Variants in LGR4 observed in about 807,000 individuals in gnomAD.
LGR4 encodes the protein leucine rich repeat containing G protein-coupled receptor 4.
Under a neutral mutation model 84.8 loss-of-function variants are expected in LGR4, and 44 were observed. The observed-to-expected ratio is 0.52, with a 90% CI of 0.41 to 0.67. The LOEUF is 0.67. Among genes scored for constraint, LGR4 ranks in the 30% least tolerant of loss-of-function variants. LGR4 has a pLI of 0.00. For synonymous variants in LGR4, 429 were observed against 434.3 expected (o/e 0.99, Z 0.15); for missense variants, 1,032 against 1,131.4 (o/e 0.91, Z 1.26).
rs1049201807 is a variant in LGR4 at position 27,376,734 on chromosome 11, AC to A, written c.1110-365del. On this transcript the variant is annotated intron_variant, in intron 12 of 17. Transcript: ENST00000379214. ...AAGGAACCAAGACAACACAACTATGACAAATACCGTAGGAATAAAGTTACAG... is the reference window on the plus strand; with the variant it reads ...AAGGAACCAAGACAACACAACTATGAAAATACCGTAGGAATAAAGTTACAG... Among the ~76,000 whole-genome samples the A allele has an allele frequency of 1.3e-5, 2 of 152,194 alleles. 1 individual carries two copies. The highest frequency in any genetic ancestry group is 2.9e-5 in the Non-Finnish European group (2 of 68,042).
intron 1 of LGR4, among the ~76,000 whole-genome samples, chr11:27,470,466 T>C (rs1864850914): frequency 6.6e-6 from 1 of 152,312 alleles, no homozygotes; most frequent in South Asian, 2.1e-4. Context: ...TTCTATTCTA[T>C]GCAGAGCCTT....
intron 8 of LGR4, 26 bp downstream of exon 8, chr11:27,380,869 T>G (rs747746894): frequency 7.8e-6 from 11 of 1,406,436 alleles, no homozygotes; most frequent in Non-Finnish European, 1.0e-5. Context: ...AATTATACAT[T>G]AAAAGAAACT....
intron 13 of LGR4, among the ~76,000 whole-genome samples, chr11:27,375,136 G>GA (rs1862951102): frequency 6.9e-6 from 1 of 145,302 alleles, no homozygotes; most frequent in African/African-American, 2.5e-5. Flanking sequence ...AAAAAAAAAA[G>GA]AAAAAAATTA....
intron 2 of LGR4, 115 bp from the exon 3 acceptor site, chr11:27,392,633 C>G (rs951014116): frequency 2.4e-6 from 2 of 828,068 alleles, no homozygotes; most frequent in Non-Finnish European, 3.7e-6. Flanking sequence ...TTTCTCAAGT[C>G]TATCTGACAT....
chr11:27,415,776 C>A (rs1487480393), intron 1 of LGR4, among the ~76,000 whole-genome samples: 1 of 152,002 alleles, frequency 6.6e-6, no homozygotes, highest in Non-Finnish European at 1.5e-5. Flanking sequence ...TCCGGAGAAG[C>A]TCTGGAAACC....
At chr11:27,410,539 T>C (rs1863689872) in intron 2 of LGR4, among the ~76,000 whole-genome samples, 1 of 152,120 alleles carries the variant, frequency 6.6e-6, no homozygotes, top group Non-Finnish European at 1.5e-5. Flanking sequence ...GTTTATGAAA[T>C]ATTACAATAG....
chr11:27,424,809 C>T (rs531748901), intron 1 of LGR4, among the ~76,000 whole-genome samples: 8 of 152,248 alleles, frequency 5.3e-5, no homozygotes, highest in Admixed American at 1.3e-4. Flanking sequence ...AGTGCAATGG[C>T]GCGATCTCAG....
intron 1 of LGR4, among the ~76,000 whole-genome samples, chr11:27,447,796 T>C (rs1320882594): frequency 6.6e-6 from 1 of 152,242 alleles, no homozygotes. Context: ...TGGCTGACAC[T>C]ATGCTTTCAC....
chr11:27,459,082 A>G (rs1408027535), intron 1 of LGR4, among the ~76,000 whole-genome samples: 1 of 152,216 alleles, frequency 6.6e-6, no homozygotes, highest in Non-Finnish European at 1.5e-5. Context: ...TTTATGAGAA[A>G]ATGTGAAAGG....
At chr11:27,460,551 T>TGATTTATC (rs1211390297) in intron 1 of LGR4, among the ~76,000 whole-genome samples, 1 of 152,216 alleles carries the variant, frequency 6.6e-6, no homozygotes, top group African/African-American at 2.4e-5. Flanking sequence ...CTAAGTTAAT[T>TGATTTATC]CAAACTGATA....
At position 27,372,150 on chromosome 11, in the gene LGR4, CCA is replaced by C. The variant is rs1862896501; in HGVS notation, c.1495+131_1495+132del. The stretch of plus-strand genomic sequence containing the variant: ...TAAGTGCTGAGATTACAGGCATGAG[CCA>C]TCACACCTGGCCAGACAATGCCATT... On this transcript the variant is annotated intron_variant, in intron 16 of 17. Transcript: ENST00000379214. 6.0e-6 allele frequency: 4 copies of C among 667,182 alleles called. No individual in the cohort carries two copies. The South Asian group carries it at 7.1e-5, about 12-fold the overall frequency. 41.3% of individuals were successfully genotyped at this position (667,182 alleles called of 1,614,324 possible). A position where few individuals can be genotyped will look rare whatever the true frequency, so the allele number is the denominator to read the frequency against.
chr11:27,472,279 G>C lies in LGR4; in HGVS notation c.24C>G (p.Leu8=). 1 of 1,240,918 alleles carries C rather than the reference G, an allele frequency of 8.1e-7. No individual in the cohort carries two copies. The highest frequency in any genetic ancestry group is 1.0e-6 in the Non-Finnish European group (1 of 996,208). The allele number at this position is 1,240,918 out of a possible 1,614,324, so 76.9% of individuals were successfully genotyped here. ...CGAGCAGCCCCAGGGCGAGGAAGCA[G>C]AGCAGCCCTAGCGGGCCCGGCATTG... MPGPLGL[L]CFLALGLLGS... The change falls in exon 1 of 18, where the codon CTC becomes CTG. Residue 8 remains leucine (L), a synonymous_variant. Coordinates refer to ENST00000379214, the MANE Select transcript of LGR4 (RefSeq NM_018490.5).
chr11:27,387,484 G>A (rs1290636658), intron 4 of LGR4, among the ~76,000 whole-genome samples: 2 of 152,172 alleles, frequency 1.3e-5, no homozygotes, highest in East Asian at 3.9e-4. Flanking sequence ...ATGCAAGAAT[G>A]AGTCAAAGTA....
chr11:27,425,498 T>A lies in LGR4; in HGVS notation c.186-12638A>T, dbSNP rs984818143. Among the ~76,000 whole-genome samples, 10 of 151,898 alleles carry A rather than the reference T, an allele frequency of 6.6e-5. No homozygotes were observed. In the South Asian group the frequency reaches 8.3e-4, roughly 13 times the overall value. On this transcript the variant is annotated intron_variant, in intron 1 of 17. Coordinates refer to ENST00000379214, the MANE Select transcript of LGR4 (RefSeq NM_018490.5). ...GGCATGCAGGGGCTGATTTTTAAAATTTTTTTGTAGAGACAGGGTCTTGCT... is the reference window on the plus strand; with the variant it reads ...GGCATGCAGGGGCTGATTTTTAAAAATTTTTTGTAGAGACAGGGTCTTGCT...
At chr11:27,455,308 A>G (rs995943156) in intron 1 of LGR4, among the ~76,000 whole-genome samples, 2 of 152,164 alleles carry the variant, frequency 1.3e-5, no homozygotes, top group Admixed American at 6.5e-5. Context: ...TTTCTCCCCC[A>G]TTAAATGGGG....
intron 1 of LGR4, among the ~76,000 whole-genome samples, chr11:27,427,664 C>T (rs11029999): frequency 0.24 from 36,960 of 152,078 alleles, 7,556 homozygotes; most frequent in African/African-American, 0.56. Flanking sequence ...TTTGCAACTA[C>T]CTTTATTGAA....
At chr11:27,413,283 G>A (rs1690602202) in intron 1 of LGR4, among the ~76,000 whole-genome samples, 1 of 152,052 alleles carries the variant, frequency 6.6e-6, no homozygotes, top group African/African-American at 2.4e-5. Flanking sequence ...ATAAAAGCAT[G>A]TCCTAGCTCT....
intron 1 of LGR4, among the ~76,000 whole-genome samples, chr11:27,421,758 G>A (rs899535864): frequency 6.6e-6 from 1 of 152,108 alleles, no homozygotes; most frequent in Non-Finnish European, 1.5e-5. Flanking sequence ...TTTTGGTTTT[G>A]TTTATTTGTT....
At chr11:27,469,923 A>G (rs919578601) in intron 1 of LGR4, among the ~76,000 whole-genome samples, 5 of 152,156 alleles carry the variant, frequency 3.3e-5, no homozygotes, top group Admixed American at 6.5e-5. Flanking sequence ...TGCTTCATAC[A>G]TTGCTTTTGA....
Sources: allele counts gnomAD v4.1 joint callset (sites outside exome capture counted in the v4.1 genomes callset), GRCh38; gene constraint gnomAD v4.1.1; transcripts MANE v1.5; gene names NCBI Gene and HGNC (gene_info 2026-07-23, HGNC 2026-07-21).